The following EXT1 variants were observed in gnomAD, a reference collection of about 807,000 sequenced individuals.
The protein encoded by EXT1 is exostosin-1.
EXT1 carries 20 observed loss-of-function variants against 82.5 expected under a neutral mutation model. The observed-to-expected ratio is 0.24, with a 90% confidence interval of 0.17 to 0.35. EXT1 has a LOEUF of 0.35. Ranked by LOEUF, EXT1 falls within the 10% of genes least tolerant of loss-of-function variation. EXT1 has a pLI of 1.00. For synonymous variants in EXT1, 348 were observed against 350.8 expected (o/e 0.99, Z 0.09); for missense variants, 757 against 936.5 (o/e 0.81, Z 2.50).
At chr8:117,837,857 GAA>G (rs58707417) in intron 1 of EXT1, among the ~76,000 whole-genome samples, 7 of 139,732 alleles carry the variant, frequency 5.0e-5, no homozygotes, top group Admixed American at 3.6e-4. Flanking sequence ...GAAAAGAAAA[GAA>G]AAAAAAAAAA....
chr8:118,022,716 A>G (rs751963861), intron 1 of EXT1, among the ~76,000 whole-genome samples: 2 of 151,984 alleles, frequency 1.3e-5, no homozygotes, highest in Non-Finnish European at 2.9e-5. Context: ...AATGTCTATA[A>G]CTGTTGCTCA....
Position 117,798,740 on chromosome 8 carries a change from T to A in EXT1, c.*972A>T, listed in dbSNP as rs969786259. ...AAAGAGAAACTCTGAAACTTGAGAT[T>A]CTCACAAACATTAAAGAGTTCATCT... On this transcript the variant is annotated 3_prime_UTR_variant, in exon 11 of 11. Transcript: ENST00000378204. 3 of 152,202 alleles carry A rather than the reference T, an allele frequency of 2.0e-5. No individual in the cohort carries two copies. The highest frequency in any genetic ancestry group is 7.2e-5 in the African/African-American group (3 of 41,438). The allele number at this position is 152,202 out of a possible 1,614,324, so 9.4% of individuals were successfully genotyped here. A position where few individuals can be genotyped will look rare whatever the true frequency, so the allele number is the denominator to read the frequency against.
At chr8:117,893,536 A>T (rs1813284012) in intron 1 of EXT1, among the ~76,000 whole-genome samples, 1 of 152,318 alleles carries the variant, frequency 6.6e-6, no homozygotes, top group South Asian at 2.1e-4. Context: ...GGCAAGAAGG[A>T]TCCAGGCTGA....
chr8:117,874,586 A>AAAAAAAAAAAAAAAAAAAAAT (rs1812934342), intron 1 of EXT1, among the ~76,000 whole-genome samples: 1 of 150,840 alleles, frequency 6.6e-6, no homozygotes, highest in Non-Finnish European at 1.5e-5. Context: ...AAAAAAAAAA[A>AAAAAAAAAAAAAAAAAAAAAT]AAAAAAAGAA....
chr8:118,005,430 A>G (rs1467952775), intron 1 of EXT1, among the ~76,000 whole-genome samples: 1 of 152,244 alleles, frequency 6.6e-6, no homozygotes, highest in East Asian at 1.9e-4. Flanking sequence ...AAAACAAAAC[A>G]GCAGCAGTAG....
chr8:117,817,433 T>A (rs1024598453), intron 7 of EXT1, among the ~76,000 whole-genome samples: 1 of 152,138 alleles, frequency 6.6e-6, no homozygotes, highest in Non-Finnish European at 1.5e-5. Flanking sequence ...AGGAAAGTTT[T>A]TTAGATGGCA....
chr8:117,860,972 A>G (rs1174108673), intron 1 of EXT1, among the ~76,000 whole-genome samples: 1 of 152,238 alleles, frequency 6.6e-6, no homozygotes. Flanking sequence ...AATAGGGACG[A>G]ACGATTTGAC....
rs533950174 is a variant in EXT1, at chr8:117,871,437, T to A, written c.963-34236A>T. On this transcript the variant is annotated intron_variant, in intron 1 of 10. Transcript: ENST00000378204. Reference sequence around the variant, plus strand: ...CGTGAGGGGCTTTTGCACACATCTGTTTCAGCTCAGTCCCCTAGAGATATC... The same window carrying A: ...CGTGAGGGGCTTTTGCACACATCTGATTCAGCTCAGTCCCCTAGAGATATC... Among the ~76,000 whole-genome samples, 7 of 152,338 alleles carry A rather than the reference T, an allele frequency of 4.6e-5. No homozygotes were observed. In the South Asian group the frequency reaches 1.5e-3, roughly 32 times the overall value.
chr8:117,988,080 C>T lies in EXT1; in HGVS notation c.962+122005G>A, dbSNP rs142546509. On this transcript the variant is annotated intron_variant, in intron 1 of 10. Transcript: ENST00000378204. ...TCCAGCCTGAGCAACAGAGTGAGAT[C>T]CTGTCACAAATAAATAAATACATAC... 1.2e-4 allele frequency among the ~76,000 whole-genome samples: 19 copies of T among 152,174 alleles called. 1 individual carries two copies. The East Asian group carries it at 3.5e-3, about 28-fold the overall frequency.
At chr8:117,983,832 G>T (rs139760752) in intron 1 of EXT1, among the ~76,000 whole-genome samples, 39 of 152,256 alleles carry the variant, frequency 2.6e-4, no homozygotes, top group Non-Finnish European at 5.0e-4. Context: ...CATCCTACCT[G>T]GTCCTCCATA....
intron 1 of EXT1, among the ~76,000 whole-genome samples, chr8:118,033,846 T>A (rs896441718): frequency 6.6e-6 from 1 of 152,230 alleles, no homozygotes; most frequent in African/African-American, 2.4e-5. Context: ...CCAGTTTCTA[T>A]CATTCTACAT....
intron 1 of EXT1, among the ~76,000 whole-genome samples, chr8:117,967,787 C>T (rs1814852686): frequency 6.6e-6 from 1 of 152,122 alleles, no homozygotes; most frequent in African/African-American, 2.4e-5. Flanking sequence ...TTTTAACTCA[C>T]AGAACAGAAA....
intron 4 of EXT1, among the ~76,000 whole-genome samples, chr8:117,823,351 G>A (rs963641845): frequency 4.0e-5 from 6 of 151,880 alleles, no homozygotes; most frequent in Non-Finnish European, 8.8e-5. Flanking sequence ...CTCCCATCCC[G>A]AATCATTTGT....
chr8:118,013,033 C>T (rs1435993766), intron 1 of EXT1, among the ~76,000 whole-genome samples: 1 of 152,002 alleles, frequency 6.6e-6, no homozygotes, highest in Non-Finnish European at 1.5e-5. Context: ...TATGTGTTCA[C>T]TGATGTTTTT....
At chr8:118,050,556 G>A (rs1462981761) in intron 1 of EXT1, among the ~76,000 whole-genome samples, 1 of 152,184 alleles carries the variant, frequency 6.6e-6, no homozygotes, top group Non-Finnish European at 1.5e-5. Context: ...GGCTTTACAA[G>A]CCATATGGTC....
chr8:118,043,769 T>C (rs1331502606), intron 1 of EXT1, among the ~76,000 whole-genome samples: 3 of 152,210 alleles, frequency 2.0e-5, no homozygotes, highest in Admixed American at 6.5e-5. Flanking sequence ...TTATGTTTTA[T>C]TTCTAGGAAA....
At chr8:117,945,030 T>C (rs1814360252) in intron 1 of EXT1, among the ~76,000 whole-genome samples, 1 of 151,986 alleles carries the variant, frequency 6.6e-6, no homozygotes, top group African/African-American at 2.4e-5. Flanking sequence ...GGCGCGGTGG[T>C]GGGCGCCTGT....
At chr8:118,093,014 A>G (rs140371864) in intron 1 of EXT1, among the ~76,000 whole-genome samples, 348 of 152,242 alleles carry the variant, frequency 2.3e-3, no homozygotes, top group Admixed American at 3.7e-3. Flanking sequence ...CAAAAATCCA[A>G]TTAATTCATC....
intron 1 of EXT1, among the ~76,000 whole-genome samples, chr8:118,057,698 G>T (rs964704233): frequency 1.1e-4 from 17 of 151,908 alleles, no homozygotes; most frequent in Non-Finnish European, 2.1e-4. Flanking sequence ...GTGAGGCTGG[G>T]CGTGGTGGCT....
Sources: gnomAD v4.1 joint callset for allele counts (sites outside exome capture counted in the v4.1 genomes callset) on GRCh38, gnomAD v4.1.1 for gene constraint, MANE v1.5 for transcripts, NCBI Gene and HGNC (gene_info 2026-07-23, HGNC 2026-07-21) for gene names.